The following ADAMTS18 variants were observed in gnomAD, a reference collection of about 807,000 sequenced individuals.
ADAMTS18 encodes ADAM metallopeptidase with thrombospondin type 1 motif 18, also known as A disintegrin and metalloproteinase with thrombospondin motifs 18.
ADAMTS18 carries 157 observed loss-of-function variants against 165.9 expected under a neutral mutation model. That is an observed-to-expected ratio of 0.95 (90% CI 0.83 to 1.08). The LOEUF (loss-of-function observed/expected upper bound fraction) is 1.08. ADAMTS18 is among the 50% of genes least tolerant of loss of function. ADAMTS18 has a pLI of 0.00. For synonymous variants in ADAMTS18, 782 were observed against 578.2 expected, an observed-to-expected ratio of 1.35 and a Z score of -5.06; for missense variants, 2,040 against 1,534.0, an observed-to-expected ratio of 1.33 and a Z score of -5.51.
intron 10 of ADAMTS18, among the ~76,000 whole-genome samples, chr16:77,343,699 A>G (rs770420702): frequency 1.3e-5 from 2 of 152,154 alleles, no homozygotes; most frequent in Admixed American, 1.3e-4. Context: ...AGGCTCTCAA[A>G]TTCTCCAGGC....
intron 12 of ADAMTS18, among the ~76,000 whole-genome samples, chr16:77,333,798 T>C (rs531450725): frequency 4.1e-4 from 60 of 147,914 alleles, no homozygotes; most frequent in African/African-American, 1.2e-3. Context: ...TGCTGCTAGA[T>C]AGTATAGTAC....
At chr16:77,312,518 G>A (rs936715940) in intron 16 of ADAMTS18, among the ~76,000 whole-genome samples, 16 of 152,168 alleles carry the variant, frequency 1.1e-4, no homozygotes, top group African/African-American at 2.9e-4. Flanking sequence ...GATTGCAGGC[G>A]TGAGCCACCG....
At chr16:77,374,191 C>T (rs891947551) in intron 3 of ADAMTS18, among the ~76,000 whole-genome samples, 1 of 150,384 alleles carries the variant, frequency 6.6e-6, no homozygotes, top group South Asian at 2.1e-4. Context: ...TACATTCCAA[C>T]CTGGGCAACA....
chr16:77,362,235 G>C lies in ADAMTS18; in HGVS notation c.1086C>G (p.Asp362Glu). Residue 362 changes from aspartate to glutamate, a missense_variant, in exon 7 of 23, where the codon GAC becomes GAG. Transcript: ENST00000282849. Reference protein sequence around the residue: ...PGGLLINHHADQSLNSFCQWQ... With the variant: ...PGGLLINHHAEQSLNSFCQWQ... Reference sequence around the variant, plus strand: ...ATTGACAAAAACTATTCAGAGACTGGTCTGCATGATGGTTGATCAATAATC... The same window carrying C: ...ATTGACAAAAACTATTCAGAGACTGCTCTGCATGATGGTTGATCAATAATC... The C allele has an allele frequency of 1.9e-6, 3 of 1,614,136 alleles. No individual in the cohort carries two copies. Among genetic ancestry groups the C allele is most frequent in the East Asian group, 2.2e-5 (1 of 44,858 alleles).
intron 3 of ADAMTS18, among the ~76,000 whole-genome samples, chr16:77,382,208 T>G (rs2057041112): frequency 6.7e-6 from 1 of 149,770 alleles, no homozygotes; most frequent in Non-Finnish European, 1.5e-5. Context: ...TGGTTTTTTG[T>G]TTGTTTGTTT....
intron 16 of ADAMTS18, 140 bp downstream of exon 16, chr16:77,319,709 C>G: frequency 7.2e-7 from 1 of 1,396,976 alleles, no homozygotes; most frequent in Admixed American, 1.7e-5. Context: ...TCCCAAAGTG[C>G]TGGGATTACA....
chr16:77,429,129 T>C (rs1261313338), intron 3 of ADAMTS18, among the ~76,000 whole-genome samples: 1 of 152,172 alleles, frequency 6.6e-6, no homozygotes, highest in South Asian at 2.1e-4. Context: ...TAAAGACACA[T>C]GCATGTGAAT....
At chr16:77,291,049 C>A in intron 21 of ADAMTS18, 1 of 519,120 alleles carries the variant, frequency 1.9e-6, no homozygotes, top group Non-Finnish European at 3.4e-6. Context: ...AACAAATCAA[C>A]TCTCCCAGAT....
Position 77,408,296 on chromosome 16 carries a change from T to C in ADAMTS18, c.495+22999A>G, listed in dbSNP as rs554494874. On this transcript the variant is annotated intron_variant, in intron 3 of 22. Coordinates refer to ENST00000282849, the MANE Select transcript of ADAMTS18 (RefSeq NM_199355.4). ...GAACCACTTCAGAAAACTGACATTTTCTACCGAAGCTGAATTTGCACATGC... is the reference window on the plus strand; with the variant it reads ...GAACCACTTCAGAAAACTGACATTTCCTACCGAAGCTGAATTTGCACATGC... Among the ~76,000 whole-genome samples, 14 of 152,282 alleles carry C rather than the reference T, an allele frequency of 9.2e-5. No individual in the cohort carries two copies. In the South Asian group the frequency reaches 1.2e-3, roughly 14 times the overall value.
Position 77,289,333 on chromosome 16 carries a change from G to T in ADAMTS18, c.3481C>A (p.Leu1161Met). 6.2e-7 allele frequency: 1 copy of T among 1,614,130 alleles called. No individual in the cohort carries two copies. Among genetic ancestry groups the T allele is most frequent in the Non-Finnish European group, 8.5e-7 (1 of 1,180,010 alleles). The change falls in exon 22 of 23, where the codon CTG becomes ATG. Residue 1161 changes from leucine to methionine, a missense_variant. Transcript: ENST00000282849. The stretch of plus-strand genomic sequence containing the variant: ...AGCACCGGAGGTTTCTGATGGAGCA[G>T]ACAACTTGAGGAAGGCCGGCCTTGC... Reference protein sequence around the residue: ...VQQGRPSSSCLLHQKPPVLRA... With the variant: ...VQQGRPSSSCMLHQKPPVLRA...
At chr16:77,350,107 T>C (rs781346545) in intron 10 of ADAMTS18, among the ~76,000 whole-genome samples, 2 of 152,210 alleles carry the variant, frequency 1.3e-5, no homozygotes, top group Non-Finnish European at 2.9e-5. Context: ...ATGGAGTCAG[T>C]AAGCATTTCT....
At position 77,363,825 on chromosome 16, in the gene ADAMTS18, G is replaced by A. The variant is rs117967822; in HGVS notation, c.1033C>T (p.Leu345=). 38 of 1,613,902 alleles carry A rather than the reference G, an allele frequency of 2.4e-5. No individual in the cohort carries two copies. The highest frequency in any genetic ancestry group is 2.9e-5 in the Non-Finnish European group (34 of 1,179,936). Residue 345 remains leucine (L), a synonymous_variant, in exon 6 of 23, where the codon CTA becomes TTA. Transcript: ENST00000282849. ...GSDINVVVVS[L]ILLEQEPGGL... The stretch of plus-strand genomic sequence containing the variant: ...ACAGGTTCTTGTTCCAGAAGAATTA[G>A]GCTCACCACAACCACGTTTATGTCA...
chr16:77,333,943 T>C (rs2056234003), intron 12 of ADAMTS18, among the ~76,000 whole-genome samples: 1 of 142,388 alleles, frequency 7.0e-6, no homozygotes, highest in South Asian at 2.1e-4. Context: ...CTGTAATATA[T>C]AGTGTCATAT....
chr16:77,354,017 G>C (rs1597159933), intron 9 of ADAMTS18, 131 bp from the exon 10 acceptor site: 1 of 1,143,448 alleles, frequency 8.7e-7, no homozygotes, highest in East Asian at 2.3e-5. Context: ...TATGTTTAAA[G>C]TTCAAATCTA....
rs1247537309 is a variant in ADAMTS18 at position 77,283,642 on chromosome 16, G to A, written c.*314C>T. 1 of 327,764 alleles carries A rather than the reference G, an allele frequency of 3.1e-6. No individual in the cohort carries two copies. Among genetic ancestry groups the A allele is most frequent in the Non-Finnish European group, 5.8e-6 (1 of 171,560 alleles). 20.3% of individuals were successfully genotyped at this position (327,764 alleles called of 1,614,324 possible). On this transcript the variant is annotated 3_prime_UTR_variant, in exon 23 of 23. Coordinates refer to ENST00000282849, the MANE Select transcript of ADAMTS18 (RefSeq NM_199355.4). ...CTTGAACCCTTTGAAGTTCAAAAGG[G>A]GGTCTCTCCCCAAATCGACGTATCT...
intron 12 of ADAMTS18, among the ~76,000 whole-genome samples, chr16:77,333,581 A>G (rs2144666656): frequency 6.6e-6 from 1 of 151,830 alleles, no homozygotes; most frequent in Middle Eastern, 3.4e-3. Context: ...CATCCCAAAA[A>G]AATCCCAAAA....
chr16:77,374,535 T>C (rs1004365955), intron 3 of ADAMTS18, among the ~76,000 whole-genome samples: 1 of 152,074 alleles, frequency 6.6e-6, no homozygotes, highest in African/African-American at 2.4e-5. Context: ...AAAAACACCA[T>C]TTAAAGTCCC....
intron 3 of ADAMTS18, among the ~76,000 whole-genome samples, chr16:77,425,507 C>T (rs2057660185): frequency 6.6e-6 from 1 of 152,178 alleles, no homozygotes; most frequent in Admixed American, 6.5e-5. Context: ...TAAACTCACC[C>T]ATGTATTACA....
rs2057779824 is a variant in ADAMTS18, at chr16:77,434,977, G to C, written c.-282C>G. ...CCGGGACTGGAGCGCAAACGGTTGG[G>C]AGACTGTCGGTGTCTGCCCGCCCGT... On this transcript the variant is annotated 5_prime_UTR_variant, in exon 1 of 23. Coordinates refer to ENST00000282849, the MANE Select transcript of ADAMTS18 (RefSeq NM_199355.4). 3.3e-6 allele frequency: 1 copy of C among 302,194 alleles called. No homozygotes were observed. The allele number at this position is 302,194 out of a possible 1,614,324, so 18.7% of individuals were successfully genotyped here.
Sources: gnomAD v4.1 joint callset for allele counts (sites outside exome capture counted in the v4.1 genomes callset) on GRCh38, gnomAD v4.1.1 for gene constraint, MANE v1.5 for transcripts, NCBI Gene and HGNC (gene_info 2026-07-23, HGNC 2026-07-21) for gene names.